Variants in CDYL2 observed in about 807,000 individuals in gnomAD.
The protein encoded by CDYL2 is chromodomain Y-like protein 2.
CDYL2 carries 23 observed loss-of-function variants against 49.4 expected under a neutral mutation model. The observed-to-expected ratio is 0.47, with a 90% CI of 0.34 to 0.66. CDYL2 has a LOEUF of 0.66. Among genes scored for constraint, CDYL2 ranks in the 30% least tolerant of loss-of-function variants. The probability of loss-of-function intolerance (pLI) is 0.01; values close to 1 mark genes in which losing one functional copy is unlikely to be tolerated. For synonymous variants in CDYL2, 360 were observed against 268.8 expected (o/e 1.34, Z -3.32); for missense variants, 678 against 656.4 (o/e 1.03, Z -0.36).
At chr16:80,768,702 G>C (rs1906809624) in intron 1 of CDYL2, among the ~76,000 whole-genome samples, 1 of 152,186 alleles carries the variant, frequency 6.6e-6, no homozygotes, top group South Asian at 2.1e-4. Flanking sequence ...GGATGAGAAG[G>C]AAGTAATCTG....
chr16:80,715,809 G>A (rs1904779288), intron 1 of CDYL2, among the ~76,000 whole-genome samples: 1 of 152,134 alleles, frequency 6.6e-6, no homozygotes, highest in South Asian at 2.1e-4. Flanking sequence ...GCCACTCTAT[G>A]GAATCATCCA....
chr16:80,622,800 CTAACTGTGT>C (rs1907139516), intron 3 of CDYL2, among the ~76,000 whole-genome samples: 1 of 152,152 alleles, frequency 6.6e-6, no homozygotes, highest in South Asian at 2.1e-4. Context: ...CCCATGAAAG[CTAACTGTGT>C]TTGCGCTCTT....
intron 1 of CDYL2, chr16:80,735,045 C>T (rs1905469423): frequency 6.6e-6 from 1 of 152,184 alleles, no homozygotes; most frequent in Non-Finnish European, 1.5e-5. Flanking sequence ...ATTTATCTCC[C>T]AACCTTAACT....
At position 80,744,868 on chromosome 16, in the gene CDYL2, G is replaced by A. The variant is rs137967247; in HGVS notation, c.24+59282C>T. On this transcript the variant is annotated intron_variant, in intron 1 of 6. Transcript: ENST00000570137. The stretch of plus-strand genomic sequence containing the variant: ...GGACAGTCCTGGATCCCCACCCACA[G>A]TCCTCCTGCAGTGAGCTCTGCAAGC... Among the ~76,000 whole-genome samples the A allele has an allele frequency of 2.4e-3, 358 of 152,270 alleles. 1 individual carries two copies. Among genetic ancestry groups the A allele is most frequent in the South Asian group, 7.5e-3 (36 of 4,828 alleles).
chr16:80,744,944 G>C (rs1905874267), intron 1 of CDYL2, among the ~76,000 whole-genome samples: 1 of 152,188 alleles, frequency 6.6e-6, no homozygotes, highest in Non-Finnish European at 1.5e-5. Context: ...CTAGGCCTGG[G>C]ATGCCTCTGT....
At chr16:80,698,240 AG>A (rs1405929952) in intron 1 of CDYL2, among the ~76,000 whole-genome samples, 2 of 152,212 alleles carry the variant, frequency 1.3e-5, no homozygotes, top group African/African-American at 4.8e-5. Context: ...AGGCAACAAA[AG>A]CAAAAACAGA....
At chr16:80,758,179 A>C (rs896306518) in intron 1 of CDYL2, among the ~76,000 whole-genome samples, 1 of 152,214 alleles carries the variant, frequency 6.6e-6, no homozygotes, top group Non-Finnish European at 1.5e-5. Context: ...GGATTAGTCA[A>C]TAATCGGTGT....
intron 1 of CDYL2, among the ~76,000 whole-genome samples, chr16:80,716,732 G>T (rs1033500755): frequency 1.9e-4 from 29 of 152,152 alleles, no homozygotes; most frequent in African/African-American, 7.0e-4. Context: ...GATGGATAAT[G>T]GATGGATCGA....
chr16:80,785,375 G>C (rs1396953436), intron 1 of CDYL2, among the ~76,000 whole-genome samples: 1 of 152,100 alleles, frequency 6.6e-6, no homozygotes, highest in Non-Finnish European at 1.5e-5. Flanking sequence ...TTGCTACTAA[G>C]AGAATAAAAT....
At chr16:80,693,181 C>T (rs898022125) in intron 1 of CDYL2, among the ~76,000 whole-genome samples, 2 of 152,018 alleles carry the variant, frequency 1.3e-5, no homozygotes, top group Non-Finnish European at 2.9e-5. Context: ...AGGAAACTTT[C>T]TGGGGAAATG....
In CDYL2 at chr16:80,633,130, G is replaced by T. The variant is rs201122416; in HGVS notation, c.723C>A (p.Arg241=). ...VFDKRLRYSV[R]QNESNCRFRD... is the part of the protein sequence containing the mutation. ...GAAACCGACAGTTGCTTTCATTCTG[G>T]CGGACACTGTATCTGAGCCTTTTGT... The change falls in exon 3 of 7, where the codon CGC becomes CGA. Residue 241 remains arginine (R), a synonymous_variant. Coordinates refer to ENST00000570137, the MANE Select transcript of CDYL2 (RefSeq NM_152342.4). The T allele has an allele frequency of 1.3e-5, 21 of 1,614,018 alleles. No homozygotes were observed. Among genetic ancestry groups the T allele is most frequent in the Non-Finnish European group, 1.6e-5 (19 of 1,180,036 alleles).
chr16:80,622,760 G>A (rs1907137150), intron 3 of CDYL2, among the ~76,000 whole-genome samples: 1 of 152,156 alleles, frequency 6.6e-6, no homozygotes, highest in Non-Finnish European at 1.5e-5. Flanking sequence ...TTAAAAGACT[G>A]TAAAGAGTTT....
intron 1 of CDYL2, among the ~76,000 whole-genome samples, chr16:80,775,867 T>A (rs1236748911): frequency 2.0e-5 from 3 of 151,262 alleles, no homozygotes; most frequent in Admixed American, 2.0e-4. Context: ...TAATACATAT[T>A]TATTTATATA....
intron 5 of CDYL2, among the ~76,000 whole-genome samples, chr16:80,611,013 C>G (rs953871467): frequency 1.3e-5 from 2 of 152,168 alleles, no homozygotes; most frequent in Non-Finnish European, 1.5e-5. Context: ...TCACCAGGCC[C>G]CAGCCACACT....
At chr16:80,742,189 C>T (rs113699796) in intron 1 of CDYL2, 14 of 152,340 alleles carry the variant, frequency 9.2e-5, no homozygotes, top group African/African-American at 3.1e-4. Context: ...AGTGTGCCTA[C>T]CTAGCCCAGA....
At chr16:80,777,573 T>C (rs1279483696) in intron 1 of CDYL2, among the ~76,000 whole-genome samples, 1 of 152,076 alleles carries the variant, frequency 6.6e-6, no homozygotes, top group African/African-American at 2.4e-5. Context: ...ATTCTGAAAA[T>C]ACATTTTGTA....
chr16:80,710,173 C>T (rs1052688389), intron 1 of CDYL2, among the ~76,000 whole-genome samples: 1 of 152,032 alleles, frequency 6.6e-6, no homozygotes, highest in Admixed American at 6.5e-5. Flanking sequence ...GTGATCCTCC[C>T]GCCTCGGCCT....
At chr16:80,628,180 G>A (rs930304449) in intron 3 of CDYL2, 2 of 152,224 alleles carry the variant, frequency 1.3e-5, no homozygotes, top group Non-Finnish European at 2.9e-5. Flanking sequence ...AAACTCCCTT[G>A]TAGAATGTGC....
At chr16:80,662,814 C>T (rs1396677684) in intron 2 of CDYL2, 15 of 451,114 alleles carry the variant, frequency 3.3e-5, no homozygotes, top group South Asian at 2.2e-4. Flanking sequence ...ATCATGGATA[C>T]CTTCCACATC....
Sources: gnomAD v4.1 joint callset for allele counts (sites outside exome capture counted in the v4.1 genomes callset) on GRCh38, gnomAD v4.1.1 for gene constraint, MANE v1.5 for transcripts, NCBI Gene and HGNC (gene_info 2026-07-23, HGNC 2026-07-21) for gene names.